ZNF618: variants seen among roughly 807,000 people sequenced by gnomAD.
The protein encoded by ZNF618 is zinc finger protein 618.
In ZNF618, 34 loss-of-function variants were observed where a neutral mutation model predicts 103.0. The ratio of observed to expected loss-of-function variants is 0.33; its 90% confidence interval spans 0.25 to 0.44. The LOEUF (loss-of-function observed/expected upper bound fraction) is 0.44, where lower values mean the gene tolerates loss of function less well. ZNF618 is among the 20% of genes least tolerant of loss of function. ZNF618 has a pLI of 1.00. For missense variants in ZNF618, 1,059 were observed against 1,295.4 expected (o/e 0.82, Z 2.80); for synonymous variants, 551 against 542.2 (o/e 1.02, Z -0.23).
rs145955303 is a variant in ZNF618 at position 113,903,176 on chromosome 9, A to G, written c.33+26763A>G. ...TCTAAGGACCTCTTTTGGTTTTTCA[A>G]TTTTTAACTTGAAATGCATGAGCGA... is the stretch of plus-strand genomic sequence containing the variant. On this transcript the variant is annotated intron_variant, in intron 1 of 14. Coordinates refer to ENST00000374126, the MANE Select transcript of ZNF618 (RefSeq NM_001318042.2). Among the ~76,000 whole-genome samples, 535 of 152,276 alleles carry G rather than the reference A, an allele frequency of 3.5e-3. 4 individuals are homozygous for G. Among genetic ancestry groups the G allele is most frequent in the Middle Eastern group, 0.034 (10 of 294 alleles).
intron 4 of ZNF618, among the ~76,000 whole-genome samples, chr9:113,998,682 A>G (rs1015182856): frequency 6.6e-6 from 1 of 152,218 alleles, no homozygotes; most frequent in African/African-American, 2.4e-5. Context: ...TGTGTTTGGG[A>G]GACCCTGGGT....
intron 1 of ZNF618, among the ~76,000 whole-genome samples, chr9:113,968,451 C>T (rs972557455): frequency 6.6e-6 from 1 of 152,092 alleles, no homozygotes; most frequent in Non-Finnish European, 1.5e-5. Context: ...CCCAGGTCTG[C>T]AACCTCTGTC....
intron 2 of ZNF618, among the ~76,000 whole-genome samples, chr9:113,977,832 A>G (rs537051268): frequency 1.3e-5 from 2 of 152,274 alleles, no homozygotes; most frequent in South Asian, 4.2e-4. Context: ...GTGACTTGAC[A>G]AGATTGCCCA....
chr9:114,038,392 G>A lies in ZNF618; in HGVS notation c.1246+2015G>A, dbSNP rs545054318. ...TCGGAGTGGAGCCGTGGGCTGCTTTGTTCTGGTTCAGCGCAGCCAGAGAAT... is the reference window on the plus strand; with the variant it reads ...TCGGAGTGGAGCCGTGGGCTGCTTTATTCTGGTTCAGCGCAGCCAGAGAAT... On this transcript the variant is annotated intron_variant, in intron 13 of 14. Coordinates refer to ENST00000374126, the MANE Select transcript of ZNF618 (RefSeq NM_001318042.2). 2.0e-5 allele frequency among the ~76,000 whole-genome samples: 3 copies of A among 152,332 alleles called. No individual in the cohort carries two copies. In the East Asian group the frequency reaches 5.8e-4, roughly 29 times the overall value.
chr9:114,015,943 T>C (rs940581618), intron 9 of ZNF618, among the ~76,000 whole-genome samples: 2 of 152,212 alleles, frequency 1.3e-5, no homozygotes, highest in Non-Finnish European at 2.9e-5. Flanking sequence ...ACAGGTGTTA[T>C]CAGTGAGAGA....
chr9:113,958,080 C>CT (rs112206369), intron 1 of ZNF618, among the ~76,000 whole-genome samples: 7,883 of 152,082 alleles, frequency 0.052, 250 homozygotes, highest in African/African-American at 0.087. Flanking sequence ...AGATTCATTT[C>CT]TTTTTAAAAA....
chr9:114,009,063 A>C (rs959529033), intron 9 of ZNF618, among the ~76,000 whole-genome samples: 5 of 152,186 alleles, frequency 3.3e-5, no homozygotes, highest in African/African-American at 1.2e-4. Flanking sequence ...ACACCCCTTG[A>C]GGGCAGGAGC....
chr9:113,907,346 C>G (rs568166458), intron 1 of ZNF618, among the ~76,000 whole-genome samples: 4 of 152,368 alleles, frequency 2.6e-5, no homozygotes, highest in African/African-American at 7.2e-5. Flanking sequence ...CTCACCCACT[C>G]TGGCCCTTGC....
intron 1 of ZNF618, among the ~76,000 whole-genome samples, chr9:113,916,239 C>T (rs2131552018): frequency 6.6e-6 from 1 of 152,094 alleles, no homozygotes; most frequent in South Asian, 2.1e-4. Flanking sequence ...GAAAATATGA[C>T]CGTGTTATAT....
chr9:113,934,412 A>C (rs540463135), intron 1 of ZNF618, among the ~76,000 whole-genome samples: 5 of 152,328 alleles, frequency 3.3e-5, no homozygotes, highest in African/African-American at 1.2e-4. Flanking sequence ...CCTCATCTGC[A>C]GAGTGTAGAT....
intron 2 of ZNF618, among the ~76,000 whole-genome samples, chr9:113,973,739 C>T (rs1296537866): frequency 6.6e-6 from 1 of 152,192 alleles, no homozygotes; most frequent in Non-Finnish European, 1.5e-5. Context: ...AATGCAGTTA[C>T]AGACTTGGTG....
intron 13 of ZNF618, among the ~76,000 whole-genome samples, chr9:114,039,340 G>GTTTTTT (rs968810244): frequency 2.9e-5 from 3 of 104,748 alleles, no homozygotes; most frequent in Admixed American, 1.9e-4. Flanking sequence ...TTTCTTGTTT[G>GTTTTTT]TTTTTTTTTT....
intron 4 of ZNF618, among the ~76,000 whole-genome samples, chr9:113,999,209 C>T (rs894764289): frequency 4.0e-5 from 6 of 151,678 alleles, no homozygotes; most frequent in African/African-American, 1.5e-4. Context: ...GGTGGGGGCC[C>T]TGGGCTTTAG....
chr9:113,914,343 C>G (rs969987427), intron 1 of ZNF618, among the ~76,000 whole-genome samples: 1 of 152,144 alleles, frequency 6.6e-6, no homozygotes, highest in African/African-American at 2.4e-5. Context: ...TTCCCTCTGG[C>G]AGCCAGGCCT....
chr9:113,953,352 G>A (rs530394173), intron 1 of ZNF618, among the ~76,000 whole-genome samples: 1 of 152,254 alleles, frequency 6.6e-6, no homozygotes, highest in Admixed American at 6.5e-5. Context: ...CCTAATACCT[G>A]CCTCTATAGA....
intron 1 of ZNF618, among the ~76,000 whole-genome samples, chr9:113,876,633 G>T (rs1222515872): frequency 6.6e-6 from 1 of 151,894 alleles, no homozygotes; most frequent in Non-Finnish European, 1.5e-5. Flanking sequence ...GTCTTTTGGG[G>T]CCCCCACCCA....
chr9:113,937,449 C>T (rs746306047), intron 1 of ZNF618, among the ~76,000 whole-genome samples: 1 of 152,232 alleles, frequency 6.6e-6, no homozygotes, highest in Non-Finnish European at 1.5e-5. Context: ...ACAGACCTTA[C>T]TCATATTTCA....
chr9:114,002,778 T>A, intron 6 of ZNF618, 116 bp downstream of exon 6: 1 of 1,199,940 alleles, frequency 8.3e-7, no homozygotes, highest in Non-Finnish European at 1.2e-6. Context: ...AGAGACACAG[T>A]GCTGGGGTCC....
intron 1 of ZNF618, among the ~76,000 whole-genome samples, chr9:113,913,061 A>G (rs1831705738): frequency 6.6e-6 from 1 of 151,986 alleles, no homozygotes; most frequent in Non-Finnish European, 1.5e-5. Context: ...AGTGATCTAT[A>G]AGGGAGGTTC....
Sources: gnomAD v4.1 joint callset for allele counts (sites outside exome capture counted in the v4.1 genomes callset) on GRCh38, gnomAD v4.1.1 for gene constraint, MANE v1.5 for transcripts, NCBI Gene and HGNC (gene_info 2026-07-23, HGNC 2026-07-21) for gene names.